STK3: variants seen among roughly 807,000 people sequenced by gnomAD.
STK3 encodes serine/threonine-protein kinase 3.
STK3 carries 41 observed loss-of-function variants against 58.0 expected under a neutral mutation model. The observed-to-expected ratio is 0.71, with a 90% CI of 0.55 to 0.92. The LOEUF (loss-of-function observed/expected upper bound fraction) is 0.92. Among genes scored for constraint, STK3 ranks in the 40% least tolerant of loss-of-function variants. The pLI is 0.00. For missense variants in STK3, 479 were observed against 602.7 expected (o/e 0.79, Z 2.15); for synonymous variants, 170 against 191.0 (o/e 0.89, Z 0.91).
At chr8:98,580,760 G>A (rs1379717181) in intron 7 of STK3, among the ~76,000 whole-genome samples, 5 of 152,262 alleles carry the variant, frequency 3.3e-5, no homozygotes, top group Admixed American at 2.6e-4. Context: ...ATAGAGGCAT[G>A]AGCCACTGCA....
In STK3 at chr8:98,822,000, C is replaced by T. The variant is rs1053843736; in HGVS notation, c.26+3515G>A. 2.6e-5 allele frequency among the ~76,000 whole-genome samples: 4 copies of T among 152,086 alleles called. No homozygotes were observed. The South Asian group carries it at 8.3e-4, about 32-fold the overall frequency. ...GGCCAGGCCTAATACCCATGCCTAA[C>T]ATTATGTGTTGATATGTGTACATAC... On this transcript the variant is annotated intron_variant, in intron 1 of 10. Coordinates refer to ENST00000419617, the MANE Select transcript of STK3 (RefSeq NM_006281.4).
chr8:98,788,755 C>T (rs556183920), intron 1 of STK3, among the ~76,000 whole-genome samples: 1 of 152,118 alleles, frequency 6.6e-6, no homozygotes, highest in South Asian at 2.1e-4. Context: ...ACTGGAGCTC[C>T]CAAATTTATA....
chr8:98,405,782 C>T (rs1164626156), intron 3 of STK3, among the ~76,000 whole-genome samples: 1 of 152,170 alleles, frequency 6.6e-6, no homozygotes, highest in African/African-American at 2.4e-5. Flanking sequence ...CACATCACAT[C>T]TTACATGGAT....
chr8:98,941,125 G>A (rs889591396), intron 1 of STK3, among the ~76,000 whole-genome samples: 2 of 152,206 alleles, frequency 1.3e-5, no homozygotes, highest in African/African-American at 4.8e-5. Flanking sequence ...TGCCTCCAGG[G>A]GGCGCTGCGG....
intron 3 of STK3, among the ~76,000 whole-genome samples, chr8:98,759,369 G>A (rs1407375897): frequency 6.6e-6 from 1 of 152,192 alleles, no homozygotes; most frequent in East Asian, 1.9e-4. Context: ...CCACGGCCTA[G>A]CAGTGGGACA....
intron 10 of STK3, among the ~76,000 whole-genome samples, chr8:98,478,763 A>T (rs991907087): frequency 2.0e-5 from 3 of 152,214 alleles, no homozygotes; most frequent in Non-Finnish European, 4.4e-5. Flanking sequence ...TAAAGGGCCT[A>T]GCACAAAGGT....
chr8:98,794,115 A>C (rs899305967), intron 1 of STK3, among the ~76,000 whole-genome samples: 1 of 152,206 alleles, frequency 6.6e-6, no homozygotes, highest in Non-Finnish European at 1.5e-5. Flanking sequence ...AATCTATTAT[A>C]TCTAGAGGAA....
chr8:98,721,717 T>C (rs1827440301), intron 4 of STK3, among the ~76,000 whole-genome samples: 1 of 152,078 alleles, frequency 6.6e-6, no homozygotes, highest in African/African-American at 2.4e-5. Flanking sequence ...ACTGCTCTAA[T>C]TATCAAAGAA....
intron 1 of STK3, among the ~76,000 whole-genome samples, chr8:98,919,900 G>A (rs1487149356): frequency 6.6e-6 from 1 of 152,278 alleles, no homozygotes; most frequent in East Asian, 1.9e-4. Context: ...CAAAAATGTT[G>A]GGGGGAGGGA....
chr8:98,797,576 G>A (rs1833256604), intron 1 of STK3, among the ~76,000 whole-genome samples: 1 of 152,148 alleles, frequency 6.6e-6, no homozygotes, highest in African/African-American at 2.4e-5. Flanking sequence ...AACTTTTTGA[G>A]GTGGTAGAAA....
At chr8:98,427,369 C>G (rs1386539644) in intron 3 of STK3, 1 of 152,032 alleles carries the variant, frequency 6.6e-6, no homozygotes, top group Non-Finnish European at 1.5e-5. Flanking sequence ...CCCGGGCAGC[C>G]CCGCTGGGTG....
chr8:98,795,023 G>A (rs1047946204), intron 1 of STK3, among the ~76,000 whole-genome samples: 10 of 127,042 alleles, frequency 7.9e-5, no homozygotes, highest in East Asian at 2.5e-4. Context: ...AGACGAGATC[G>A]CGCCATTGCA....
At chr8:98,756,561 G>A (rs970806653) in intron 3 of STK3, among the ~76,000 whole-genome samples, 2 of 152,218 alleles carry the variant, frequency 1.3e-5, no homozygotes, top group African/African-American at 2.4e-5. Context: ...AGTTTCTGTG[G>A]TTGCTGAATG....
chr8:98,607,721 T>C, intron 6 of STK3, among the ~76,000 whole-genome samples: 1 of 152,322 alleles, frequency 6.6e-6, no homozygotes, highest in Admixed American at 6.5e-5. Flanking sequence ...AACTGAGAGA[T>C]AAACTTTGAT....
upstream of STK3, among the ~76,000 whole-genome samples, chr8:98,827,577 A>G (rs531939697): frequency 1.3e-5 from 2 of 152,330 alleles, no homozygotes; most frequent in African/African-American, 4.8e-5. Flanking sequence ...TTTTCAAACC[A>G]TTATATTCTT....
At chr8:98,929,601 G>T (rs970790024) in intron 1 of STK3, among the ~76,000 whole-genome samples, 1 of 152,162 alleles carries the variant, frequency 6.6e-6, no homozygotes, top group African/African-American at 2.4e-5. Flanking sequence ...AGTGAGCCAA[G>T]ATCACACTAC....
intron 3 of STK3, among the ~76,000 whole-genome samples, chr8:98,832,048 T>G (rs1269523378): frequency 6.6e-6 from 1 of 152,112 alleles, no homozygotes. Flanking sequence ...GTTGTTGATT[T>G]AAGAATCACA....
chr8:98,745,255 A>G (rs1477540177), intron 4 of STK3, among the ~76,000 whole-genome samples: 1 of 152,186 alleles, frequency 6.6e-6, no homozygotes, highest in Non-Finnish European at 1.5e-5. Flanking sequence ...CACCCAAAAC[A>G]TTATTTCTGT....
At chr8:98,679,108 T>G (rs1234034050) in intron 6 of STK3, among the ~76,000 whole-genome samples, 1 of 152,176 alleles carries the variant, frequency 6.6e-6, no homozygotes, top group African/African-American at 2.4e-5. Context: ...GAAGTCACCG[T>G]CATCTCTCGG....
Sources: allele counts gnomAD v4.1 joint callset (sites outside exome capture counted in the v4.1 genomes callset), GRCh38; gene constraint gnomAD v4.1.1; transcripts MANE v1.5; gene names NCBI Gene and HGNC (gene_info 2026-07-23, HGNC 2026-07-21).